The following EYS variants were observed in gnomAD, a reference collection of about 807,000 sequenced individuals.
EYS encodes protein eyes shut homolog.
EYS carries 250 observed loss-of-function variants against 282.1 expected under a neutral mutation model. That is an observed-to-expected ratio of 0.89 (90% CI 0.80 to 0.98). The LOEUF is 0.98. EYS is among the 50% of genes least tolerant of loss of function. The pLI, the probability that EYS is intolerant of heterozygous loss-of-function variation, is 0.00. For synonymous variants in EYS, 1,355 were observed against 1,282.9 expected (o/e 1.06, Z -1.20); for missense variants, 4,016 against 3,709.0 (o/e 1.08, Z -2.15).
chr6:64,618,887 C>T (rs188323127), intron 23 of EYS, among the ~76,000 whole-genome samples: 7 of 152,288 alleles, frequency 4.6e-5, no homozygotes, highest in South Asian at 2.1e-4. Flanking sequence ...TGTTGAGTCT[C>T]ACAAACATAG....
rs569921540 is a variant in EYS at position 65,559,408 on chromosome 6, GA to G, written c.-332-63416del. On this transcript the variant is annotated intron_variant, in intron 2 of 42. Coordinates refer to ENST00000503581, the MANE Select transcript of EYS (RefSeq NM_001142800.2). ...AGAGAAAAAAAGAAAAGAAAGAAAA[GA>G]AAAAAAATTTTTTTTGGCTACTCCC... Among the ~76,000 whole-genome samples, 1,381 of 151,866 alleles carry G rather than the reference GA, an allele frequency of 9.1e-3. 6 individuals are homozygous for G. The highest frequency in any genetic ancestry group is 0.015 in the Non-Finnish European group (1,021 of 67,908).
chr6:64,121,504 C>T (rs956414393), intron 31 of EYS, among the ~76,000 whole-genome samples: 5 of 152,118 alleles, frequency 3.3e-5, no homozygotes, highest in South Asian at 2.1e-4. Context: ...GACTCATAAC[C>T]GTTATGTTTA....
At chr6:65,360,421 A>C (rs1429490921) in intron 8 of EYS, among the ~76,000 whole-genome samples, 6 of 152,180 alleles carry the variant, frequency 3.9e-5, no homozygotes, top group Non-Finnish European at 8.8e-5. Flanking sequence ...GTAGCACCTA[A>C]ATTTAGGAAC....
At chr6:65,672,547 C>A (rs952481100) in intron 1 of EYS, among the ~76,000 whole-genome samples, 1 of 151,904 alleles carries the variant, frequency 6.6e-6, no homozygotes, top group East Asian at 1.9e-4. Flanking sequence ...TGCATAGATC[C>A]CAACAAAAAG....
intron 28 of EYS, among the ~76,000 whole-genome samples, chr6:64,403,465 T>G (rs1205929961): frequency 1.3e-5 from 2 of 152,054 alleles, no homozygotes; most frequent in Non-Finnish European, 2.9e-5. Flanking sequence ...CAAGCAATTC[T>G]CCTGCCTCAG....
intron 5 of EYS, among the ~76,000 whole-genome samples, chr6:65,443,534 C>A (rs2351257): frequency 0.14 from 18,819 of 137,044 alleles, 1,151 homozygotes; most frequent in East Asian, 0.22. Flanking sequence ...TATACATATA[C>A]TTATGGACAC....
At chr6:65,260,071 T>C (rs1406762268) in intron 12 of EYS, among the ~76,000 whole-genome samples, 1 of 152,034 alleles carries the variant, frequency 6.6e-6, no homozygotes, top group Non-Finnish European at 1.5e-5. Context: ...TGAGGAGGCC[T>C]CAGGAAACTT....
At chr6:64,508,054 T>C (rs966807118) in intron 26 of EYS, among the ~76,000 whole-genome samples, 3 of 152,184 alleles carry the variant, frequency 2.0e-5, no homozygotes, top group Non-Finnish European at 4.4e-5. Flanking sequence ...TGTCTGACAT[T>C]GTGAATGTTT....
At chr6:65,008,506 G>T (rs532711975) in intron 13 of EYS, among the ~76,000 whole-genome samples, 1 of 152,234 alleles carries the variant, frequency 6.6e-6, no homozygotes, top group East Asian at 1.9e-4. Context: ...TCAGGCAAGC[G>T]GACTTCGGAG....
intron 22 of EYS, among the ~76,000 whole-genome samples, chr6:64,802,816 A>G (rs1764295405): frequency 6.6e-6 from 1 of 152,210 alleles, no homozygotes; most frequent in South Asian, 2.1e-4. Flanking sequence ...GTGTCTAATC[A>G]TCTATCATTT....
At chr6:65,369,221 C>CATAT (rs752869851) in intron 8 of EYS, among the ~76,000 whole-genome samples, 1 of 143,618 alleles carries the variant, frequency 7.0e-6, no homozygotes, top group Non-Finnish European at 1.5e-5. Flanking sequence ...CCAAGCAGTA[C>CATAT]ATATATATAT....
chr6:63,740,670 A>C (rs1198041), intron 41 of EYS, among the ~76,000 whole-genome samples: 151,705 of 152,292 alleles, frequency 1, 75,563 homozygotes, highest in Middle Eastern at 1. Context: ...AGATGAAGAA[A>C]TATTTAGAAT....
At chr6:65,451,550 A>G (rs1409792206) in intron 5 of EYS, among the ~76,000 whole-genome samples, 1 of 152,072 alleles carries the variant, frequency 6.6e-6, no homozygotes, top group Non-Finnish European at 1.5e-5. Context: ...GTATTGTCAA[A>G]TACTTTAGGG....
intron 19 of EYS, among the ~76,000 whole-genome samples, chr6:64,827,744 G>T (rs1265865370): frequency 6.6e-6 from 1 of 151,752 alleles, no homozygotes; most frequent in Non-Finnish European, 1.5e-5. Flanking sequence ...TTCTTATTAT[G>T]AACAATATTT....
At chr6:64,942,152 C>T (rs1305673556) in intron 15 of EYS, among the ~76,000 whole-genome samples, 3 of 151,608 alleles carry the variant, frequency 2.0e-5, no homozygotes, top group Admixed American at 6.6e-5. Flanking sequence ...AATAACAATG[C>T]TGATGTGTGT....
intron 12 of EYS, among the ~76,000 whole-genome samples, chr6:65,272,035 T>C (rs904717174): frequency 5.9e-5 from 9 of 152,224 alleles, no homozygotes; most frequent in African/African-American, 2.2e-4. Flanking sequence ...TCAGATTGTG[T>C]ACATGCGCTT....
chr6:63,932,064 G>A (rs1192310689), intron 35 of EYS, among the ~76,000 whole-genome samples: 7 of 151,930 alleles, frequency 4.6e-5, no homozygotes, highest in Non-Finnish European at 1.0e-4. Context: ...GTGAACATGC[G>A]GTTCACATAT....
intron 22 of EYS, among the ~76,000 whole-genome samples, chr6:64,652,406 T>A (rs138612360): frequency 1.5e-3 from 226 of 152,304 alleles, no homozygotes; most frequent in African/African-American, 5.1e-3. Context: ...GGCAAGGACC[T>A]AACGATGCAT....
rs146680492 is a variant in EYS at position 63,857,939 on chromosome 6, A to T, written c.7228+6247T>A. ...AGCTGCATGTTTTCTGCAGAACACC[A>T]TTGGCTAGATATGTGATAGCATTAA... On this transcript the variant is annotated intron_variant, in intron 36 of 42. Coordinates refer to ENST00000503581, the MANE Select transcript of EYS (RefSeq NM_001142800.2). 2.3e-3 allele frequency among the ~76,000 whole-genome samples: 356 copies of T among 152,216 alleles called. 1 individual carries two copies. The highest frequency in any genetic ancestry group is 8.3e-3 in the African/African-American group (344 of 41,540).
Sources: allele counts gnomAD v4.1 joint callset (sites outside exome capture counted in the v4.1 genomes callset), GRCh38; gene constraint gnomAD v4.1.1; transcripts MANE v1.5; gene names NCBI Gene and HGNC (gene_info 2026-07-23, HGNC 2026-07-21).